Variants in RSPRY1 observed in about 807,000 individuals in gnomAD.
RSPRY1 encodes the protein ring finger and SPRY domain containing 1.
A neutral mutation model predicts 73.1 loss-of-function variants in RSPRY1; 23 were observed. The ratio of observed to expected loss-of-function variants is 0.31; its 90% CI spans 0.23 to 0.45. The LOEUF (loss-of-function observed/expected upper bound fraction) is 0.45, where lower values mean the gene tolerates loss of function less well. Among genes scored for constraint, RSPRY1 ranks in the 20% least tolerant of loss-of-function variants. The pLI, the probability that RSPRY1 is intolerant of heterozygous loss-of-function variation, is 1.00. For missense variants in RSPRY1, 448 were observed against 698.7 expected (o/e 0.64, Z 4.05); for synonymous variants, 226 against 251.4 (o/e 0.90, Z 0.95).
intron 3 of RSPRY1, among the ~76,000 whole-genome samples, chr16:57,208,790 T>G (rs2074779282): frequency 6.6e-6 from 1 of 152,176 alleles, no homozygotes; most frequent in Admixed American, 6.5e-5. Context: ...TTAACTCCTA[T>G]GTAGTAAATA....
intron 8 of RSPRY1, among the ~76,000 whole-genome samples, chr16:57,217,651 C>T (rs571311146): frequency 1.3e-3 from 191 of 152,260 alleles, no homozygotes; most frequent in Non-Finnish European, 2.2e-3. Flanking sequence ...CATCCTTAAT[C>T]AAAAAATCTG....
intron 1 of RSPRY1, among the ~76,000 whole-genome samples, chr16:57,198,208 ACT>A (rs1344798167): frequency 6.6e-6 from 1 of 151,878 alleles, no homozygotes; most frequent in Non-Finnish European, 1.5e-5. Flanking sequence ...ACACAGTGAA[ACT>A]CTGTCTCTAC....
chr16:57,229,892 A>G lies in RSPRY1; in HGVS notation c.1274-819A>G, dbSNP rs528028760. On this transcript the variant is annotated intron_variant, in intron 11 of 14. Coordinates refer to ENST00000394420, the MANE Select transcript of RSPRY1 (RefSeq NM_133368.3). Reference sequence around the variant, plus strand: ...CGGGTAATTTTTGTATATTTAGTAGAGATGGGGTTTCACCATGTTGGCTGT... The same window carrying G: ...CGGGTAATTTTTGTATATTTAGTAGGGATGGGGTTTCACCATGTTGGCTGT... Among the ~76,000 whole-genome samples the G allele has an allele frequency of 2.0e-5, 3 of 150,278 alleles. No homozygotes were observed. In the South Asian group the frequency reaches 6.3e-4, roughly 32 times the overall value.
At chr16:57,209,474 C>T (rs1457993580) in intron 4 of RSPRY1, among the ~76,000 whole-genome samples, 1 of 152,076 alleles carries the variant, frequency 6.6e-6, no homozygotes, top group Non-Finnish European at 1.5e-5. Context: ...AGCGATTCTC[C>T]TGCCTCAGCC....
intron 11 of RSPRY1, 67 bp downstream of exon 11, chr16:57,227,520 T>C: frequency 9.0e-7 from 1 of 1,107,318 alleles, no homozygotes; most frequent in African/African-American, 1.5e-5. Context: ...GAGGCATTTA[T>C]TACATTAAGC....
chr16:57,189,821 G>A lies in RSPRY1; in HGVS notation c.-156+3370G>A, dbSNP rs540386409. ...GCCCAGGCTGGTCTCAAACTCCTGG[G>A]CACAAGCCATCCACCCACCTTGGCC... On this transcript the variant is annotated intron_variant, in intron 1 of 14. Transcript: ENST00000394420. Among the ~76,000 whole-genome samples, 3 of 151,542 alleles carry A rather than the reference G, an allele frequency of 2.0e-5. No homozygotes were observed. In the South Asian group the frequency reaches 6.3e-4, roughly 32 times the overall value.
At chr16:57,212,705 C>G (rs1250754205) in intron 4 of RSPRY1, among the ~76,000 whole-genome samples, 1 of 152,094 alleles carries the variant, frequency 6.6e-6, no homozygotes, top group Non-Finnish European at 1.5e-5. Context: ...ACCTCTACCT[C>G]CCAGGTTCAA....
intron 10 of RSPRY1, among the ~76,000 whole-genome samples, chr16:57,223,173 A>G (rs549500338): frequency 4.4e-4 from 67 of 152,266 alleles, no homozygotes; most frequent in African/African-American, 1.6e-3. Flanking sequence ...TTAAATGTAC[A>G]TTGTTCTGGT....
At chr16:57,187,780 A>AG (rs1192750439) in intron 1 of RSPRY1, among the ~76,000 whole-genome samples, 2 of 152,094 alleles carry the variant, frequency 1.3e-5, no homozygotes, top group Non-Finnish European at 2.9e-5. Flanking sequence ...GGTCATATTA[A>AG]GATCTAAACC....
chr16:57,229,850 C>T (rs1347520590), intron 11 of RSPRY1, among the ~76,000 whole-genome samples: 1 of 147,010 alleles, frequency 6.8e-6, no homozygotes, highest in East Asian at 2.0e-4. Flanking sequence ...GGATTACAGG[C>T]ACCTGCCATT....
chr16:57,219,813 C>A (rs1180906118), intron 8 of RSPRY1: 2 of 152,082 alleles, frequency 1.3e-5, no homozygotes, highest in African/African-American at 4.8e-5. Context: ...ATCTTTAATC[C>A]ATTTTTATTT....
intron 12 of RSPRY1, 125 bp from the exon 13 acceptor site, chr16:57,231,042 C>T: frequency 1.1e-6 from 1 of 879,872 alleles, no homozygotes. Flanking sequence ...TAAACACAGT[C>T]TGTCACTCTT....
At chr16:57,196,680 A>G (rs1461002838) in intron 1 of RSPRY1, among the ~76,000 whole-genome samples, 1 of 152,228 alleles carries the variant, frequency 6.6e-6, no homozygotes, top group East Asian at 1.9e-4. Flanking sequence ...ATAGAAAAGT[A>G]AAAATTACTT....
In RSPRY1 at chr16:57,205,193, C is replaced by T. The variant is rs2074701998; in HGVS notation, c.350+185C>T. 1.4e-5 allele frequency: 8 copies of T among 572,848 alleles called. No individual in the cohort carries two copies. The Admixed American group carries it at 2.4e-4, about 17-fold the overall frequency. 35.5% of individuals were successfully genotyped at this position (572,848 alleles called of 1,614,324 possible). A position where few individuals can be genotyped will look rare whatever the true frequency, so the allele number is the denominator to read the frequency against. ...TGATAAGATTTGATGTTTTTGCTTG[C>T]TGTCATCTACTTTGTCTGGAAATGT... is the stretch of plus-strand genomic sequence containing the variant. On this transcript the variant is annotated intron_variant, in intron 2 of 14. Transcript: ENST00000394420.
chr16:57,205,624 G>T (rs1452792652), intron 2 of RSPRY1, among the ~76,000 whole-genome samples: 1 of 152,166 alleles, frequency 6.6e-6, no homozygotes, highest in African/African-American at 2.4e-5. Flanking sequence ...AAATTAAAGG[G>T]CATCCAAGTA....
At position 57,217,918 on chromosome 16, in the gene RSPRY1, CAA is replaced by C. The variant is rs1377599119; in HGVS notation, c.901+884_901+885del. On this transcript the variant is annotated intron_variant, in intron 8 of 14. Transcript: ENST00000394420. ...GTTAAAGAATAATTCTGAAAGAGTG[CAA>C]TTTGGATTTTGTTCATACAAAATTA... 1.3e-3 allele frequency among the ~76,000 whole-genome samples: 200 copies of C among 152,254 alleles called. 1 individual carries two copies. Among genetic ancestry groups the C allele is most frequent in the African/African-American group, 4.6e-3 (192 of 41,560 alleles).
At chr16:57,191,183 A>T (rs1230054468) in intron 1 of RSPRY1, among the ~76,000 whole-genome samples, 2 of 152,164 alleles carry the variant, frequency 1.3e-5, no homozygotes, top group Admixed American at 1.3e-4. Context: ...CCTCCTGAAG[A>T]ATTGTTTTCG....
At chr16:57,202,333 G>C (rs2074634072) in intron 1 of RSPRY1, among the ~76,000 whole-genome samples, 1 of 152,162 alleles carries the variant, frequency 6.6e-6, no homozygotes, top group African/African-American at 2.4e-5. Context: ...TGAAATTTCT[G>C]TGAGAGGACC....
chr16:57,218,341 C>A (rs1177981784), intron 8 of RSPRY1, among the ~76,000 whole-genome samples: 2 of 152,026 alleles, frequency 1.3e-5, no homozygotes, highest in Non-Finnish European at 2.9e-5. Flanking sequence ...TTTAAAATTT[C>A]TTTGTTTTGC....
Sources: gnomAD v4.1 joint callset for allele counts (sites outside exome capture counted in the v4.1 genomes callset) on GRCh38, gnomAD v4.1.1 for gene constraint, MANE v1.5 for transcripts, NCBI Gene and HGNC (gene_info 2026-07-23, HGNC 2026-07-21) for gene names.